The following COL9A3 variants were observed in gnomAD, a reference collection of about 807,000 sequenced individuals.
The protein encoded by COL9A3 is collagen type IX alpha 3 chain.
COL9A3 carries 82 observed loss-of-function variants against 110.2 expected under a neutral mutation model. The observed-to-expected ratio is 0.74, with a 90% CI of 0.62 to 0.89. The LOEUF (loss-of-function observed/expected upper bound fraction) is 0.89. Ranked by LOEUF, COL9A3 falls within the 40% of genes least tolerant of loss-of-function variation. The pLI is 0.00. For synonymous variants in COL9A3, 494 were observed against 403.8 expected (o/e 1.22, Z -2.68); for missense variants, 1,066 against 981.3 (o/e 1.09, Z -1.15).
intron 29 of COL9A3, 91 bp from the exon 30 acceptor site, chr20:62,836,992 G>A: frequency 6.6e-7 from 1 of 1,505,636 alleles, no homozygotes; most frequent in Non-Finnish European, 9.1e-7. Context: ...GCTTCTGGAA[G>A]ACAGCACCGT....
intron 27 of COL9A3, 115 bp downstream of exon 27, chr20:62,836,068 AAAG>A: frequency 6.2e-7 from 1 of 1,606,910 alleles, no homozygotes; most frequent in African/African-American, 1.3e-5. Context: ...GAGATGTAAA[AAAG>A]CTTGCTCTGG....
Position 62,834,018 on chromosome 20 carries a change from C to T in COL9A3, c.1368+954C>T, listed in dbSNP as rs377051122. 5.2e-4 allele frequency among the ~76,000 whole-genome samples: 79 copies of T among 152,242 alleles called. 2 individuals are homozygous for T. In the South Asian group the frequency reaches 0.013, roughly 25 times the overall value. On this transcript the variant is annotated intron_variant, in intron 26 of 31. Transcript: ENST00000649368. ...CTTCCTGAATAGCTGGGATTACAGGCGCCTGCCACCACGCCCAGCTAATGT... is the reference window on the plus strand; with the variant it reads ...CTTCCTGAATAGCTGGGATTACAGGTGCCTGCCACCACGCCCAGCTAATGT...
chr20:62,821,127 T>G, intron 5 of COL9A3, 54 bp from the exon 6 acceptor site: 1 of 1,583,674 alleles, frequency 6.3e-7, no homozygotes, highest in South Asian at 1.1e-5. Flanking sequence ...GGGAGGGGAT[T>G]GGGTTTGCAA....
intron 27 of COL9A3, 102 bp downstream of exon 27, chr20:62,836,055 T>A (rs974835874): frequency 1.9e-6 from 3 of 1,606,710 alleles, no homozygotes; most frequent in Admixed American, 3.4e-5. Flanking sequence ...ACTGCCCAGA[T>A]CCGAGATGTA....
chr20:62,837,023 G>A (rs563700285), intron 29 of COL9A3, 60 bp from the exon 30 acceptor site: 106 of 1,590,806 alleles, frequency 6.7e-5, no homozygotes, highest in Admixed American at 2.5e-4. Context: ...TATGCTTTAC[G>A]TAACAATACT....
chr20:62,828,898 C>A, intron 18 of COL9A3, 25 bp from the exon 19 acceptor site: 1 of 1,612,454 alleles, frequency 6.2e-7, no homozygotes, highest in Non-Finnish European at 8.5e-7. Flanking sequence ...CCTCCCCTTC[C>A]GCACCCCAAT....
At chr20:62,819,199 C>T (rs1258933109) in intron 3 of COL9A3, 23 bp from the exon 4 acceptor site, 3 of 1,610,758 alleles carry the variant, frequency 1.9e-6, no homozygotes, top group Non-Finnish European at 2.5e-6. Context: ...GCCTTCACAT[C>T]TCTGCCCTTT....
In COL9A3 at chr20:62,833,560, T is replaced by C. The variant is rs750910588; in HGVS notation, c.1368+496T>C. ...CTGGGACTACAGGCGCCCGCCACCA[T>C]GCCCAGCTAATTTTTTGTATTTTTA... is the stretch of plus-strand genomic sequence containing the variant. On this transcript the variant is annotated intron_variant, in intron 26 of 31. Coordinates refer to ENST00000649368, the MANE Select transcript of COL9A3 (RefSeq NM_001853.4). Among the ~76,000 whole-genome samples, 415 of 149,854 alleles carry C rather than the reference T, an allele frequency of 2.8e-3. 1 individual carries two copies. The highest frequency in any genetic ancestry group is 7.5e-3 in the African/African-American group (304 of 40,632).
In COL9A3 at chr20:62,821,789, G is replaced by C; in HGVS notation, c.402G>C (p.Gly134=). 6.2e-7 allele frequency: 1 copy of C among 1,609,872 alleles called. No individual in the cohort carries two copies. The highest frequency in any genetic ancestry group is 8.5e-7 in the Non-Finnish European group (1 of 1,178,348). ...CAGGAGTGAGCGGCCCCCCAGGTGG[G>C]ATCGGCCTCCGCGGCCCCCCGGTGA... ...GEAGVSGPPG[G]IGLRGPPGPS... Residue 134 remains glycine (G), a synonymous_variant, in exon 8 of 32, where the codon GGG becomes GGC. Coordinates refer to ENST00000649368, the MANE Select transcript of COL9A3 (RefSeq NM_001853.4).
chr20:62,822,105 C>A lies in COL9A3; in HGVS notation c.424-6C>A. 6.5e-7 allele frequency: 1 copy of A among 1,541,828 alleles called. No individual in the cohort carries two copies. Among genetic ancestry groups the A allele is most frequent in the Non-Finnish European group, 9.0e-7 (1 of 1,114,900 alleles). ...CCACTCTGTCTAAGTCATACCCCCT[C>A]CCCAGGGACCTTCTGGACTCCCCGG... On this transcript the variant is annotated splice_region_variant and splice_polypyrimidine_tract_variant and intron_variant, in intron 8 of 31. Transcript: ENST00000649368.
At chr20:62,831,669 C>A in intron 24 of COL9A3, 1 of 183,220 alleles carries the variant, frequency 5.5e-6, no homozygotes. Context: ...GCTGAATTTC[C>A]CTTTCACTTT....
chr20:62,840,283 G>C (rs1289340586), intron 31 of COL9A3, among the ~76,000 whole-genome samples: 1 of 151,898 alleles, frequency 6.6e-6, no homozygotes, highest in African/African-American at 2.4e-5. Context: ...ACCCGCGTAA[G>C]TCAGAGTGCG....
intron 27 of COL9A3, 69 bp downstream of exon 27, chr20:62,836,022 GCAAC>G: frequency 6.2e-7 from 1 of 1,612,136 alleles, no homozygotes; most frequent in South Asian, 1.1e-5. Context: ...CCACCTCTGG[GCAAC>G]CAGGCAGCCC....
At chr20:62,821,618 G>A (rs745498157) in intron 7 of COL9A3, 88 bp downstream of exon 7, 3 of 1,592,078 alleles carry the variant, frequency 1.9e-6, no homozygotes, top group Non-Finnish European at 2.6e-6. Context: ...GTGCCTGGGG[G>A]TGGGGCTTCT....
At chr20:62,834,001 A>G (rs1222157943) in intron 26 of COL9A3, among the ~76,000 whole-genome samples, 2 of 151,770 alleles carry the variant, frequency 1.3e-5, no homozygotes, top group Non-Finnish European at 2.9e-5. Context: ...AGCTTCCTGA[A>G]TAGCTGGGAT....
chr20:62,827,972 A>T lies in COL9A3; in HGVS notation c.896A>T (p.Glu299Val). 1 of 1,612,780 alleles carries T rather than the reference A, an allele frequency of 6.2e-7. No homozygotes were observed. The highest frequency in any genetic ancestry group is 2.2e-5 in the East Asian group (1 of 44,868). The stretch of plus-strand genomic sequence containing the variant: ...CCCGGAGTGGCCGGGCCAAGCGGAG[A>T]GCCGGTGAGTGCACGTGGCTGCTCA... ...GTPGVAGPSG[E>V]PGMPGKDGQN... is the part of the protein sequence containing the mutation. The change falls in exon 17 of 32, where the codon GAG (glutamate) becomes GTG (valine). Residue 299 changes from glutamate (E) to valine (V), a missense_variant. Glu to Val is a moderately radical substitution (Grantham distance 121). Transcript: ENST00000649368.
chr20:62,821,720 G>T (rs1298772522), intron 7 of COL9A3, 37 bp from the exon 8 acceptor site: 1 of 1,595,056 alleles, frequency 6.3e-7, no homozygotes, highest in African/African-American at 1.3e-5. Flanking sequence ...GGGGCTTCCG[G>T]GTGCAGACCT....
intron 3 of COL9A3, 134 bp from the exon 4 acceptor site, chr20:62,819,088 G>A: frequency 3.3e-6 from 3 of 902,438 alleles, no homozygotes; most frequent in Non-Finnish European, 5.4e-6. Context: ...CCAGACAGTA[G>A]GGGGGACCCA....
chr20:62,827,112 G>A (rs748217759), intron 15 of COL9A3, 129 bp from the exon 16 acceptor site: 10 of 942,302 alleles, frequency 1.1e-5, no homozygotes, highest in Non-Finnish European at 1.7e-5. Flanking sequence ...GGCCTGGAGG[G>A]GCCCCCATCC....
Sources: allele counts gnomAD v4.1 joint callset (sites outside exome capture counted in the v4.1 genomes callset), GRCh38; gene constraint gnomAD v4.1.1; transcripts MANE v1.5; gene names NCBI Gene and HGNC (gene_info 2026-07-23, HGNC 2026-07-21).